LDLRAD4: variants seen among roughly 807,000 people sequenced by gnomAD.
The protein encoded by LDLRAD4 is low-density lipoprotein receptor class A domain-containing protein 4.
A neutral mutation model predicts 17.0 loss-of-function variants in LDLRAD4; 5 were observed. The observed-to-expected ratio is 0.29, with a 90% CI of 0.15 to 0.62. LDLRAD4 has a LOEUF of 0.62. Ranked by LOEUF, LDLRAD4 falls within the 20% of genes least tolerant of loss-of-function variation. The pLI, the probability that LDLRAD4 is intolerant of heterozygous loss-of-function variation, is 0.84. For missense variants in LDLRAD4, 340 were observed against 424.7 expected, an observed-to-expected ratio of 0.80 and a Z score of 1.75; for synonymous variants, 168 against 171.8, an observed-to-expected ratio of 0.98 and a Z score of 0.17.
At chr18:13,505,378 A>G (rs1408472994) in intron 3 of LDLRAD4, among the ~76,000 whole-genome samples, 2 of 152,230 alleles carry the variant, frequency 1.3e-5, no homozygotes, top group African/African-American at 4.8e-5. Flanking sequence ...TGATGTTAAT[A>G]GCAGGAAAAA....
chr18:13,642,628 C>CT, intron 4 of LDLRAD4: 1 of 1,230,866 alleles, frequency 8.1e-7, no homozygotes, highest in African/African-American at 1.6e-5. Flanking sequence ...TGCGCCTCTG[C>CT]TGGAGGCCGG....
intron 1 of LDLRAD4, among the ~76,000 whole-genome samples, chr18:13,343,958 G>GA (rs2082529751): frequency 6.6e-6 from 1 of 152,172 alleles, no homozygotes; most frequent in Non-Finnish European, 1.5e-5. Flanking sequence ...ATTTGCTTGA[G>GA]TTCATTGTAG....
Position 13,323,930 on chromosome 18 carries a change from G to T in LDLRAD4, c.-383+45742G>T, listed in dbSNP as rs540835744. Among the ~76,000 whole-genome samples, 5 of 11,022 alleles carry T rather than the reference G, an allele frequency of 4.5e-4. No homozygotes were observed. In the South Asian group the frequency reaches 0.086, roughly 190 times the overall value. 7.2% of individuals were successfully genotyped at this position (11,022 alleles called of 152,430 possible). On this transcript the variant is annotated intron_variant, in intron 1 of 5. Coordinates refer to ENST00000359446, the Ensembl canonical transcript of LDLRAD4. ...AAAGTATAAAAATTAGCCGGGTGTG[G>T]TGTCACTGCCTCTAGTCCCAGCTAC...
In LDLRAD4 at chr18:13,349,921, A is replaced by C. The variant is rs148308320; in HGVS notation, c.-382-37420A>C. Among the ~76,000 whole-genome samples the C allele has an allele frequency of 2.0e-3, 307 of 152,076 alleles. 2 individuals carry two copies. Among genetic ancestry groups the C allele is most frequent in the Middle Eastern group, 0.01 (3 of 292 alleles). ...TTCCTGTGTTAGTTTGCTGTGGATG[A>C]TGGCTTCAAGCTTCATCCATATCCC... is the stretch of plus-strand genomic sequence containing the variant. On this transcript the variant is annotated intron_variant, in intron 1 of 5. Coordinates refer to ENST00000359446, the Ensembl canonical transcript of LDLRAD4.
chr18:13,568,639 T>C (rs2094639964), intron 3 of LDLRAD4, among the ~76,000 whole-genome samples: 1 of 152,118 alleles, frequency 6.6e-6, no homozygotes, highest in African/African-American at 2.4e-5. Context: ...CTGGACAAGG[T>C]TCCAGTCTTG....
At chr18:13,436,207 C>T (rs2090643500) in intron 2 of LDLRAD4, among the ~76,000 whole-genome samples, 1 of 152,236 alleles carries the variant, frequency 6.6e-6, no homozygotes. Context: ...GTCATAAGCT[C>T]TTTGAAGAGG....
At chr18:13,508,874 A>C (rs1323095968) in intron 3 of LDLRAD4, among the ~76,000 whole-genome samples, 1 of 152,218 alleles carries the variant, frequency 6.6e-6, no homozygotes, top group African/African-American at 2.4e-5. Context: ...TAAGAAATAA[A>C]TTTCCTAAGG....
chr18:13,519,842 T>G (rs1432028475), intron 3 of LDLRAD4: 1 of 152,324 alleles, frequency 6.6e-6, no homozygotes, highest in East Asian at 1.9e-4. Context: ...AAAGTGCTGG[T>G]TTACCAGCTC....
chr18:13,642,399 T>C lies in LDLRAD4; in HGVS notation c.337-960T>C, dbSNP rs1021129877. ...GGGCTGAAAAGGGTACCACGCGTAC[T>C]TTTTTTCCCAGCACGCGTGGGGCCT... On this transcript the variant is annotated intron_variant, in intron 4 of 5. Transcript: ENST00000359446. 11 of 1,080,538 alleles carry C rather than the reference T, an allele frequency of 1.0e-5. No homozygotes were observed. In the Admixed American group the frequency reaches 1.6e-4, roughly 16 times the overall value. The allele number at this position is 1,080,538 out of a possible 1,614,324, so 66.9% of individuals were successfully genotyped here.
At chr18:13,373,788 T>A (rs918749736) in intron 1 of LDLRAD4, among the ~76,000 whole-genome samples, 2 of 152,236 alleles carry the variant, frequency 1.3e-5, no homozygotes, top group African/African-American at 2.4e-5. Context: ...CAGCACACTT[T>A]TAGCTGAAAC....
chr18:13,573,913 C>G (rs922915311), intron 3 of LDLRAD4, among the ~76,000 whole-genome samples: 1 of 152,158 alleles, frequency 6.6e-6, no homozygotes, highest in Non-Finnish European at 1.5e-5. Context: ...TCTCCTGTTC[C>G]CATCTCCGCA....
intron 1 of LDLRAD4, among the ~76,000 whole-genome samples, chr18:13,231,458 C>T (rs12968182): frequency 0.36 from 54,574 of 151,888 alleles, 10,129 homozygotes; most frequent in Non-Finnish European, 0.39. Context: ...TGGTGTGGAG[C>T]GTTTCCTCCC....
intron 3 of LDLRAD4, chr18:13,461,941 A>C (rs12607724): frequency 6.6e-6 from 1 of 152,034 alleles, no homozygotes; most frequent in African/African-American, 2.4e-5. Context: ...GTTGCAAGGG[A>C]GTAGCCTCTG....
intron 3 of LDLRAD4, among the ~76,000 whole-genome samples, chr18:13,463,060 G>A (rs1179030292): frequency 6.6e-6 from 1 of 152,154 alleles, no homozygotes; most frequent in Non-Finnish European, 1.5e-5. Flanking sequence ...GGTCCCGCTG[G>A]GGGGCCCGAG....
intron 1 of LDLRAD4, among the ~76,000 whole-genome samples, chr18:13,268,987 G>C (rs1321690612): frequency 1.3e-5 from 2 of 152,196 alleles, no homozygotes; most frequent in Non-Finnish European, 2.9e-5. Context: ...TGAGGAACTA[G>C]AAGATTAACT....
chr18:13,617,177 A>G (rs2040167800), intron 3 of LDLRAD4, among the ~76,000 whole-genome samples: 3 of 151,838 alleles, frequency 2.0e-5, no homozygotes, highest in South Asian at 2.1e-4. Context: ...GTCTTAAACA[A>G]TTCCCCCGTC....
At chr18:13,476,665 G>A (rs1280339105) in intron 3 of LDLRAD4, among the ~76,000 whole-genome samples, 2 of 151,948 alleles carry the variant, frequency 1.3e-5, no homozygotes, top group Non-Finnish European at 2.9e-5. Context: ...CAAAAAATGG[G>A]AAGATGCAGT....
intron 3 of LDLRAD4, among the ~76,000 whole-genome samples, chr18:13,446,198 G>T (rs549936022): frequency 8.5e-5 from 13 of 152,270 alleles, no homozygotes; most frequent in African/African-American, 2.9e-4. Flanking sequence ...TCATAAGAAT[G>T]CAGCGCTCAG....
chr18:13,262,764 G>T (rs1330443633), intron 1 of LDLRAD4, among the ~76,000 whole-genome samples: 1 of 103,596 alleles, frequency 9.7e-6, no homozygotes, highest in Non-Finnish European at 1.8e-5. Context: ...GCGGCCCTGT[G>T]CGTGGGGGCT....
Sources: gnomAD v4.1 joint callset for allele counts (sites outside exome capture counted in the v4.1 genomes callset) on GRCh38, gnomAD v4.1.1 for gene constraint, MANE v1.5 for transcripts, NCBI Gene and HGNC (gene_info 2026-07-23, HGNC 2026-07-21) for gene names.